GMPS: variants seen among roughly 807,000 people sequenced by gnomAD.
GMPS encodes the protein GMP synthase [glutamine-hydrolyzing].
In GMPS, 15 loss-of-function variants were observed where a neutral mutation model predicts 77.9. The ratio of observed to expected loss-of-function variants is 0.19; its 90% CI spans 0.13 to 0.30. The LOEUF (loss-of-function observed/expected upper bound fraction) is 0.30, where lower values mean the gene tolerates loss of function less well. Ranked by LOEUF, GMPS falls within the 10% of genes least tolerant of loss-of-function variation. The probability of loss-of-function intolerance (pLI) is 1.00; values close to 1 mark genes in which losing one functional copy is unlikely to be tolerated. For missense variants in GMPS, 590 were observed against 838.8 expected (o/e 0.70, Z 3.66); for synonymous variants, 224 against 275.9 (o/e 0.81, Z 1.86).
chr3:155,931,697 A>G, intron 12 of GMPS, 68 bp from the exon 13 acceptor site: 4 of 573,038 alleles, frequency 7.0e-6, no homozygotes, highest in Non-Finnish European at 6.2e-6. Flanking sequence ...AAAAAAAAAA[A>G]GCTTTGTCAA....
chr3:155,922,560 TAGTA>T (rs1755345104), intron 11 of GMPS, among the ~76,000 whole-genome samples: 1 of 152,186 alleles, frequency 6.6e-6, no homozygotes, highest in South Asian at 2.1e-4. Flanking sequence ...TATTTCAAGA[TAGTA>T]AGGGAAATCC....
intron 12 of GMPS, among the ~76,000 whole-genome samples, chr3:155,925,570 C>T (rs1490197870): frequency 6.6e-6 from 1 of 151,898 alleles, no homozygotes; most frequent in Non-Finnish European, 1.5e-5. Flanking sequence ...AGTATATATA[C>T]CAAGTTTAGA....
chr3:155,915,217 T>G (rs1212654724), intron 8 of GMPS, among the ~76,000 whole-genome samples: 5 of 151,772 alleles, frequency 3.3e-5, no homozygotes, highest in African/African-American at 1.2e-4. Context: ...TTGAATGGAA[T>G]GTTCACATAC....
intron 2 of GMPS, among the ~76,000 whole-genome samples, chr3:155,896,397 T>C (rs957625809): frequency 5.9e-5 from 9 of 152,212 alleles, no homozygotes; most frequent in Non-Finnish European, 8.8e-5. Flanking sequence ...TTAAATATCA[T>C]TTTTATCATC....
At chr3:155,921,208 G>A (rs1456126654) in intron 10 of GMPS, among the ~76,000 whole-genome samples, 1 of 152,132 alleles carries the variant, frequency 6.6e-6, no homozygotes, top group African/African-American at 2.4e-5. Context: ...AGCTGAGATC[G>A]TGCCACTGCC....
At chr3:155,873,940 C>T (rs549113766) in intron 1 of GMPS, among the ~76,000 whole-genome samples, 2 of 152,158 alleles carry the variant, frequency 1.3e-5, no homozygotes, top group East Asian at 3.9e-4. Flanking sequence ...CAGCCATGAG[C>T]AAATTCTTTA....
chr3:155,909,154 G>C (rs1168324773), intron 5 of GMPS, among the ~76,000 whole-genome samples: 1 of 152,178 alleles, frequency 6.6e-6, no homozygotes, highest in Non-Finnish European at 1.5e-5. Flanking sequence ...TTAATTACCT[G>C]AGAGTTCATA....
chr3:155,936,395 G>C lies in GMPS; in HGVS notation c.1865G>C (p.Arg622Pro). The C allele has an allele frequency of 6.2e-7, 1 of 1,609,244 alleles. No individual in the cohort carries two copies. The highest frequency in any genetic ancestry group is 8.5e-7 in the Non-Finnish European group (1 of 1,176,482). ...ATTTTGACACCATTACATTTTGATC[G>C]GGACCCACTTCAAAAGCAGCCTTCA... ...PVILTPLHFDRDPLQKQPSCQ... is the reference protein window; with the variant it reads ...PVILTPLHFDPDPLQKQPSCQ... The change falls in exon 15 of 16, where the codon CGG becomes CCG. Residue 622 changes from arginine to proline, a missense_variant. Coordinates refer to ENST00000496455, the MANE Select transcript of GMPS (RefSeq NM_003875.3).
chr3:155,892,414 A>G (rs1370460155), intron 1 of GMPS, among the ~76,000 whole-genome samples: 7 of 152,208 alleles, frequency 4.6e-5, no homozygotes, highest in Admixed American at 4.6e-4. Flanking sequence ...CCAGACGAGT[A>G]CAATGAACTT....
At chr3:155,894,011 G>C (rs1754535179) in intron 2 of GMPS, among the ~76,000 whole-genome samples, 1 of 152,188 alleles carries the variant, frequency 6.6e-6, no homozygotes, top group East Asian at 1.9e-4. Context: ...TTCATCAAAG[G>C]AAAGTAGGAA....
intron 2 of GMPS, among the ~76,000 whole-genome samples, chr3:155,894,539 A>G (rs1218138039): frequency 6.6e-6 from 1 of 151,748 alleles, no homozygotes; most frequent in Admixed American, 6.6e-5. Flanking sequence ...CATGCTTTTT[A>G]ATGCTTTTTT....
chr3:155,871,530 C>T (rs781573374), intron 1 of GMPS, among the ~76,000 whole-genome samples: 7 of 152,224 alleles, frequency 4.6e-5, no homozygotes, highest in Non-Finnish European at 8.8e-5. Context: ...CCCCAACGCC[C>T]CTGCAGGCCC....
At position 155,934,786 on chromosome 3, in the gene GMPS, G is replaced by T. The variant is rs1006570163; in HGVS notation, c.1677-130G>T. ...CCATCTGGGGAGTTGAAGTGGGCAG[G>T]AGAAGGGCCTGAAACTAAGTGGGAA... On this transcript the variant is annotated intron_variant, in intron 13 of 15. Coordinates refer to ENST00000496455, the MANE Select transcript of GMPS (RefSeq NM_003875.3). 9.0e-5 allele frequency: 58 copies of T among 642,252 alleles called. 1 individual carries two copies. In the Admixed American group the frequency reaches 1.5e-3, roughly 16 times the overall value. The allele number at this position is 642,252 out of a possible 1,614,324, so 39.8% of individuals were successfully genotyped here. A position where few individuals can be genotyped will look rare whatever the true frequency, so the allele number is the denominator to read the frequency against.
chr3:155,941,932 A>G lies in GMPS; in HGVS notation c.*4240A>G, dbSNP rs937046187. On this transcript the variant is annotated 3_prime_UTR_variant, in exon 16 of 16. Coordinates refer to ENST00000496455, the MANE Select transcript of GMPS (RefSeq NM_003875.3). Reference sequence around the variant, plus strand: ...CTTCCAACCCTATTTTTATGTACTGAAGAGGCCTCAGTGTCTCACTGAACT... The same window carrying G: ...CTTCCAACCCTATTTTTATGTACTGGAGAGGCCTCAGTGTCTCACTGAACT... The G allele has an allele frequency of 4.8e-6, 1 of 210,012 alleles. No individual in the cohort carries two copies. The highest frequency in any genetic ancestry group is 2.3e-5 in the African/African-American group (1 of 44,016). 13.0% of individuals were successfully genotyped at this position (210,012 alleles called of 1,614,324 possible). A position where few individuals can be genotyped will look rare whatever the true frequency, so the allele number is the denominator to read the frequency against.
chr3:155,896,751 T>TTAA (rs1553784678), intron 2 of GMPS, among the ~76,000 whole-genome samples: 17 of 125,918 alleles, frequency 1.4e-4, no homozygotes, highest in Non-Finnish European at 2.8e-4. Flanking sequence ...TTTTTTTTTT[T>TTAA]TATAAATTTG....
intron 9 of GMPS, 90 bp from the exon 10 acceptor site, chr3:155,919,143 T>G: frequency 1.6e-6 from 1 of 607,006 alleles, no homozygotes; most frequent in East Asian, 2.8e-5. Flanking sequence ...AGAAAAGTGG[T>G]AACAGGAAAA....
chr3:155,936,237 T>C, intron 14 of GMPS, 101 bp from the exon 15 acceptor site: 1 of 734,032 alleles, frequency 1.4e-6, no homozygotes, highest in Non-Finnish European at 2.5e-6. Flanking sequence ...ACGCTGTGTG[T>C]GTATATGTGA....
intron 1 of GMPS, among the ~76,000 whole-genome samples, chr3:155,884,157 G>C (rs553441588): frequency 7.0e-4 from 106 of 151,258 alleles, no homozygotes; most frequent in African/African-American, 2.5e-3. Context: ...AGGCTGAGGC[G>C]GGTGGATCAC....
intron 12 of GMPS, among the ~76,000 whole-genome samples, chr3:155,927,694 A>T (rs1452516270): frequency 2.6e-5 from 4 of 152,108 alleles, no homozygotes; most frequent in Non-Finnish European, 1.5e-5. Flanking sequence ...AAAATACATT[A>T]AAAAAAATTC....
Sources: allele counts gnomAD v4.1 joint callset (sites outside exome capture counted in the v4.1 genomes callset), GRCh38; gene constraint gnomAD v4.1.1; transcripts MANE v1.5; gene names NCBI Gene and HGNC (gene_info 2026-07-23, HGNC 2026-07-21).